Variants in HEMK2 observed in about 807,000 individuals in gnomAD.
HEMK2 encodes the protein HemK methyltransferase 2, ETF1 glutamine and histone H4 lysine.
At chr21:28,665,224 G>A in the HEMK2 span, among the ~76,000 whole-genome samples, 7 of 150,952 alleles carry the variant, frequency 4.6e-5, no homozygotes, top group African/African-American at 1.2e-4. Context: ...GAGACGTCGC[G>A]ATCTCATCAC....
At chr21:28,588,434 G>A in the HEMK2 span, among the ~76,000 whole-genome samples, 17 of 152,200 alleles carry the variant, frequency 1.1e-4, no homozygotes, top group African/African-American at 3.1e-4. Flanking sequence ...GACAGCTAAG[G>A]GCTGAAAATT....
At chr21:28,753,654 G>C in the HEMK2 span, among the ~76,000 whole-genome samples, 2 of 152,080 alleles carry the variant, frequency 1.3e-5, no homozygotes, top group Non-Finnish European at 2.9e-5. Flanking sequence ...CATCTCTAAG[G>C]GTAGCCATTT....
the HEMK2 span, among the ~76,000 whole-genome samples, chr21:28,825,871 A>G: frequency 6.6e-6 from 1 of 152,218 alleles, no homozygotes; most frequent in Non-Finnish European, 1.5e-5. Flanking sequence ...TTGTGCTCTT[A>G]GAAGACTACA....
the HEMK2 span, among the ~76,000 whole-genome samples, chr21:28,856,567 T>C: frequency 9.7e-4 from 148 of 152,352 alleles, no homozygotes; most frequent in African/African-American, 3.5e-3. Flanking sequence ...GAGTAAATTC[T>C]GTACCTTCAA....
the HEMK2 span, among the ~76,000 whole-genome samples, chr21:28,823,933 A>C: frequency 6.6e-6 from 1 of 152,182 alleles, no homozygotes; most frequent in African/African-American, 2.4e-5. Flanking sequence ...CAGAACCCTC[A>C]GGTAAGCTTG....
At chr21:28,790,472 TG>T in the HEMK2 span, among the ~76,000 whole-genome samples, 1 of 152,186 alleles carries the variant, frequency 6.6e-6, no homozygotes, top group East Asian at 1.9e-4. Flanking sequence ...TCCTTTGTTT[TG>T]GACATTGTTT....
At chr21:28,877,423 A>G in the HEMK2 span, among the ~76,000 whole-genome samples, 1 of 151,040 alleles carries the variant, frequency 6.6e-6, no homozygotes, top group East Asian at 1.9e-4. Context: ...GGAAGGAAAG[A>G]AAGAGAGAGA....
chr21:28,583,974 C>T, the HEMK2 span, among the ~76,000 whole-genome samples: 1 of 152,108 alleles, frequency 6.6e-6, no homozygotes, highest in African/African-American at 2.4e-5. Context: ...TAGAAAGAAT[C>T]AAAAGAAAAT....
chr21:28,802,420 G>T, the HEMK2 span, among the ~76,000 whole-genome samples: 1 of 152,156 alleles, frequency 6.6e-6, no homozygotes, highest in East Asian at 1.9e-4. Flanking sequence ...AGAGGGAGCT[G>T]GAATGGGGAA....
At chr21:28,666,839 A>G in the HEMK2 span, among the ~76,000 whole-genome samples, 3 of 152,188 alleles carry the variant, frequency 2.0e-5, no homozygotes, top group Admixed American at 2.0e-4. Flanking sequence ...ACTTGGACTT[A>G]CTATACAAAA....
chr21:28,779,099 C>T, the HEMK2 span, among the ~76,000 whole-genome samples: 7,169 of 152,218 alleles, frequency 0.047, 217 homozygotes, highest in Middle Eastern at 0.099. Flanking sequence ...TCCAGCAATC[C>T]CACTTCTGGA....
chr21:28,719,388 G>A, the HEMK2 span, among the ~76,000 whole-genome samples: 1 of 152,124 alleles, frequency 6.6e-6, no homozygotes, highest in East Asian at 1.9e-4. Context: ...TACTGTTTTT[G>A]TGGTAGTGAA....
At chr21:28,844,949 T>C in the HEMK2 span, among the ~76,000 whole-genome samples, 44 of 152,226 alleles carry the variant, frequency 2.9e-4, no homozygotes, top group Admixed American at 2.9e-3. Flanking sequence ...TGAATGTCTG[T>C]CTATTGTTTT....
the HEMK2 span, among the ~76,000 whole-genome samples, chr21:28,826,141 T>G: frequency 6.6e-6 from 1 of 152,188 alleles, no homozygotes; most frequent in Non-Finnish European, 1.5e-5. Context: ...GTGGAAAAGT[T>G]CAGCACAAAC....
At chr21:28,776,407 G>A in the HEMK2 span, among the ~76,000 whole-genome samples, 1 of 152,210 alleles carries the variant, frequency 6.6e-6, no homozygotes, top group Non-Finnish European at 1.5e-5. Context: ...TGCCCCACTA[G>A]TAGGCTGCTG....
chr21:28,681,474 GCC>G, the HEMK2 span, among the ~76,000 whole-genome samples: 1 of 151,932 alleles, frequency 6.6e-6, no homozygotes, highest in African/African-American at 2.4e-5. Context: ...TGGCCATACT[GCC>G]CAAGGTAATT....
chr21:28,776,669 A>C, the HEMK2 span, among the ~76,000 whole-genome samples: 1 of 152,250 alleles, frequency 6.6e-6, no homozygotes, highest in Non-Finnish European at 1.5e-5. Flanking sequence ...GGAAGCCGAC[A>C]GTGCAGCCTT....
the HEMK2 span, among the ~76,000 whole-genome samples, chr21:28,611,725 T>C: frequency 3.3e-5 from 5 of 151,908 alleles, no homozygotes; most frequent in Admixed American, 2.0e-4. Flanking sequence ...CTGGCCAACA[T>C]GGCAAAACCT....
the HEMK2 span, among the ~76,000 whole-genome samples, chr21:28,583,529 C>T: frequency 3.3e-5 from 5 of 152,194 alleles, no homozygotes; most frequent in Admixed American, 1.3e-4. Flanking sequence ...AATAGGGCTA[C>T]GTCATCAAAA....
Sources: gnomAD v4.1 joint callset for allele counts (sites outside exome capture counted in the v4.1 genomes callset) on GRCh38, gnomAD v4.1.1 for gene constraint, MANE v1.5 for transcripts, NCBI Gene and HGNC (gene_info 2026-07-23, HGNC 2026-07-21) for gene names.